Variants in SPIDR observed in about 807,000 individuals in gnomAD.
The protein encoded by SPIDR is scaffold protein involved in DNA repair.
In SPIDR, 93 loss-of-function variants were observed where a neutral mutation model predicts 104.6. The observed-to-expected ratio is 0.89, with a 90% CI of 0.75 to 1.06. The LOEUF is 1.06. SPIDR is among the 50% of genes least tolerant of loss of function. The pLI is 0.00. For missense variants in SPIDR, 1,154 were observed against 1,111.2 expected, an observed-to-expected ratio of 1.04 and a Z score of -0.55; for synonymous variants, 431 against 416.9, an observed-to-expected ratio of 1.03 and a Z score of -0.41.
At chr8:47,474,526 G>A (rs975197461) in intron 8 of SPIDR, among the ~76,000 whole-genome samples, 7 of 152,144 alleles carry the variant, frequency 4.6e-5, no homozygotes, top group Non-Finnish European at 5.9e-5. Flanking sequence ...GGGAGTGACG[G>A]GCAGCTCTTT....
intron 5 of SPIDR, among the ~76,000 whole-genome samples, chr8:47,351,686 C>T (rs543418505): frequency 4.7e-4 from 72 of 152,192 alleles, no homozygotes; most frequent in Admixed American, 9.2e-4. Context: ...CTACAAAGTT[C>T]CAAAAAACAA....
In SPIDR at chr8:47,279,914, T is replaced by C; in HGVS notation, c.86T>C (p.Leu29Pro). 1 of 1,613,956 alleles carries C rather than the reference T, an allele frequency of 6.2e-7. No homozygotes were observed. Among genetic ancestry groups the C allele is most frequent in the Non-Finnish European group, 8.5e-7 (1 of 1,179,888 alleles). ...CCATCCTTTCCAGGAGAAAGACCAC[T>C]GCAGGTCAGAAGAGCAGGTCTCAGG... ...ECPSFPGERP[L>P]QVRRAGLRTA... The change falls in exon 2 of 20, where the codon CTG becomes CCG. Residue 29 changes from leucine (L) to proline (P), a missense_variant. Physicochemically the swap from Leu to Pro is moderately conservative, Grantham distance 98. Transcript: ENST00000297423.
chr8:47,325,750 A>C (rs1231424711), intron 5 of SPIDR, among the ~76,000 whole-genome samples: 3 of 151,732 alleles, frequency 2.0e-5, no homozygotes, highest in Non-Finnish European at 2.9e-5. Flanking sequence ...AGAGTGGAGG[A>C]CTCTTCTGGG....
intron 8 of SPIDR, among the ~76,000 whole-genome samples, chr8:47,536,393 A>G (rs2086921617): frequency 6.6e-6 from 1 of 152,210 alleles, no homozygotes; most frequent in Admixed American, 6.6e-5. Flanking sequence ...GAATTATGGT[A>G]AGTAATCAAG....
chr8:47,672,736 T>TA (rs1336499218), intron 10 of SPIDR, among the ~76,000 whole-genome samples: 1 of 152,236 alleles, frequency 6.6e-6, no homozygotes, highest in African/African-American at 2.4e-5. Flanking sequence ...GGTCTGGTGT[T>TA]ACTTCTTTTG....
chr8:47,657,417 G>A (rs773939285), intron 10 of SPIDR, among the ~76,000 whole-genome samples: 11 of 152,112 alleles, frequency 7.2e-5, no homozygotes, highest in Non-Finnish European at 8.8e-5. Context: ...GTTGGGAGAT[G>A]GAAGGAGGTG....
chr8:47,705,362 A>G (rs1395577892), intron 14 of SPIDR, among the ~76,000 whole-genome samples: 2 of 152,234 alleles, frequency 1.3e-5, no homozygotes, highest in Non-Finnish European at 2.9e-5. Flanking sequence ...CAGTAGTCCT[A>G]TAGCCACAAA....
In SPIDR at chr8:47,735,545, G is replaced by C; in HGVS notation, c.*95G>C. 1 of 1,584,476 alleles carries C rather than the reference G, an allele frequency of 6.3e-7. No homozygotes were observed. Among genetic ancestry groups the C allele is most frequent in the Non-Finnish European group, 8.6e-7 (1 of 1,163,430 alleles). On this transcript the variant is annotated 3_prime_UTR_variant, in exon 20 of 20. Coordinates refer to ENST00000297423, the MANE Select transcript of SPIDR (RefSeq NM_001080394.4). ...TAGTTATTTGTTAACTATGGACACA[G>C]TGAACGTAGTTTACGATCTTGAAAT...
intron 8 of SPIDR, among the ~76,000 whole-genome samples, chr8:47,446,847 A>C (rs1414964079): frequency 6.6e-6 from 1 of 152,112 alleles, no homozygotes; most frequent in Non-Finnish European, 1.5e-5. Flanking sequence ...GGCTTCCCAA[A>C]GTGCTGGGAT....
At chr8:47,430,989 T>C (rs1220760994) in intron 7 of SPIDR, among the ~76,000 whole-genome samples, 1 of 152,210 alleles carries the variant, frequency 6.6e-6, no homozygotes, top group Non-Finnish European at 1.5e-5. Flanking sequence ...TGGGCGGTCC[T>C]GTATGTATCG....
chr8:47,674,092 C>T, intron 11 of SPIDR, 151 bp downstream of exon 11: 1 of 868,008 alleles, frequency 1.2e-6, no homozygotes, highest in Non-Finnish European at 1.7e-6. Flanking sequence ...TGAGTGGAAT[C>T]TATAAAGTAT....
intron 11 of SPIDR, among the ~76,000 whole-genome samples, chr8:47,679,267 A>C (rs752642776): frequency 3.3e-5 from 5 of 152,194 alleles, no homozygotes; most frequent in African/African-American, 4.8e-5. Flanking sequence ...TTTGATGAAT[A>C]ATATGAGAAC....
At position 47,452,437 on chromosome 8, in the gene SPIDR, G is replaced by A. The variant is rs2071988835; in HGVS notation, c.1097+11895G>A. Among the ~76,000 whole-genome samples the A allele has an allele frequency of 2.0e-5, 3 of 152,260 alleles. No homozygotes were observed. In the South Asian group the frequency reaches 6.2e-4, roughly 32 times the overall value. ...AAGACAATTTTAGACCAATATCCCT[G>A]ATGAACATCAATGCAGAAATCCTGA... On this transcript the variant is annotated intron_variant, in intron 8 of 19. Coordinates refer to ENST00000297423, the MANE Select transcript of SPIDR (RefSeq NM_001080394.4).
At chr8:47,683,192 C>G (rs925130673) in intron 11 of SPIDR, among the ~76,000 whole-genome samples, 2 of 152,218 alleles carry the variant, frequency 1.3e-5, no homozygotes, top group Non-Finnish European at 2.9e-5. Context: ...CACTACTCAA[C>G]AAAAATAAGC....
chr8:47,401,357 G>T (rs1396037847), intron 6 of SPIDR, among the ~76,000 whole-genome samples: 1 of 152,130 alleles, frequency 6.6e-6, no homozygotes, highest in East Asian at 1.9e-4. Flanking sequence ...AGGAGCAACT[G>T]GTACCAGCCA....
At chr8:47,446,481 G>A (rs964482931) in intron 8 of SPIDR, among the ~76,000 whole-genome samples, 2 of 151,884 alleles carry the variant, frequency 1.3e-5, no homozygotes, top group African/African-American at 4.8e-5. Context: ...GATGAACGTC[G>A]TTTTCATGAC....
intron 5 of SPIDR, among the ~76,000 whole-genome samples, chr8:47,338,647 T>C (rs547963249): frequency 6.6e-6 from 1 of 152,364 alleles, no homozygotes; most frequent in Non-Finnish European, 1.5e-5. Context: ...TTGTGCATGA[T>C]TGAACAATAA....
At chr8:47,392,768 T>G (rs2060755425) in intron 5 of SPIDR, among the ~76,000 whole-genome samples, 1 of 152,368 alleles carries the variant, frequency 6.6e-6, no homozygotes, top group Non-Finnish European at 1.5e-5. Context: ...TGCCATCCTT[T>G]CTGGGAAAGA....
At chr8:47,679,600 G>A (rs1200362769) in intron 11 of SPIDR, among the ~76,000 whole-genome samples, 1 of 150,780 alleles carries the variant, frequency 6.6e-6, no homozygotes, top group Non-Finnish European at 1.5e-5. Flanking sequence ...ATCCCCTCCA[G>A]TGCTGGCCTG....
Sources: gnomAD v4.1 joint callset for allele counts (sites outside exome capture counted in the v4.1 genomes callset) on GRCh38, gnomAD v4.1.1 for gene constraint, MANE v1.5 for transcripts, NCBI Gene and HGNC (gene_info 2026-07-23, HGNC 2026-07-21) for gene names.